CDC5L: variants seen among roughly 807,000 people sequenced by gnomAD.
CDC5L encodes cell division cycle 5-like protein.
Under a neutral mutation model 104.1 loss-of-function variants are expected in CDC5L, and 18 were observed. The observed-to-expected ratio is 0.17, with a 90% CI of 0.12 to 0.26. The LOEUF (loss-of-function observed/expected upper bound fraction) is 0.26. Among genes scored for constraint, CDC5L ranks in the 10% least tolerant of loss-of-function variants. The pLI, the probability that CDC5L is intolerant of heterozygous loss-of-function variation, is 1.00. For synonymous variants in CDC5L, 331 were observed against 322.7 expected (o/e 1.03, Z -0.28); for missense variants, 673 against 956.9 (o/e 0.70, Z 3.91).
At chr6:44,430,029 T>TTTCTCCAACAACTAAAAA in intron 14 of CDC5L, 119 bp downstream of exon 14, 1 of 713,174 alleles carries the variant, frequency 1.4e-6, no homozygotes, top group Non-Finnish European at 2.3e-6. Flanking sequence ...CCTTTTTAGT[T>TTTCTCCAACAACTAAAAA]GTTGGAGAAA....
rs1290539398 is a variant in CDC5L, at chr6:44,403,856, T to C, written c.587T>C (p.Ile196Thr). The part of the protein sequence containing the change: ...QKRRELRAAG[I>T]EIQKKRKRKR... The stretch of plus-strand genomic sequence containing the variant: ...AGAAGAGAACTTCGAGCAGCTGGCA[T>C]AGAAATTCAGAAGAAAAGAAAAAGG... The change falls in exon 6 of 16, where the codon ATA becomes ACA. Residue 196 changes from isoleucine to threonine, a missense_variant. Coordinates refer to ENST00000371477, the MANE Select transcript of CDC5L (RefSeq NM_001253.4). 2.5e-6 allele frequency: 4 copies of C among 1,612,886 alleles called. No individual in the cohort carries two copies. Among genetic ancestry groups the C allele is most frequent in the Non-Finnish European group, 3.4e-6 (4 of 1,179,730 alleles).
intron 11 of CDC5L, among the ~76,000 whole-genome samples, chr6:44,425,373 G>C (rs1441242401): frequency 6.6e-6 from 1 of 152,080 alleles, no homozygotes; most frequent in African/African-American, 2.4e-5. Context: ...TTCTAGTAAG[G>C]AATACTCAAC....
chr6:44,426,490 A>G lies in CDC5L; in HGVS notation c.1659A>G (p.Glu553=). The G allele has an allele frequency of 6.7e-7, 1 of 1,484,596 alleles. No individual in the cohort carries two copies. The highest frequency in any genetic ancestry group is 9.3e-7 in the Non-Finnish European group (1 of 1,070,228). 92.0% of individuals were successfully genotyped at this position (1,484,596 alleles called of 1,614,324 possible). A position where few individuals can be genotyped will look rare whatever the true frequency, so the allele number is the denominator to read the frequency against. ...KDLPRPSEVN[E]TILRPLNVEP... ...TTGTTTTAAAATTTTAGGTAAATGA[A>G]ACTATTCTAAGACCCTTAAATGTAG... Residue 553 remains glutamate, a synonymous_variant, in exon 13 of 16, where the codon GAA becomes GAG. Transcript: ENST00000371477.
intron 8 of CDC5L, among the ~76,000 whole-genome samples, chr6:44,418,899 C>T (rs2153380417): frequency 6.8e-6 from 1 of 146,166 alleles, no homozygotes; most frequent in Non-Finnish European, 1.5e-5. Context: ...TGGGTATTAG[C>T]TCTTTGTCAG....
At chr6:44,407,752 C>T (rs1480717292) in intron 7 of CDC5L, among the ~76,000 whole-genome samples, 1 of 152,208 alleles carries the variant, frequency 6.6e-6, no homozygotes, top group Non-Finnish European at 1.5e-5. Flanking sequence ...ACATTGGCTG[C>T]ATCAACACAA....
rs116172974 is a variant in CDC5L, at chr6:44,436,645, A to G, written c.2091+6735A>G. Reference sequence around the variant, plus strand: ...AATGTACCCCAGAGTATACTGGTATAATAAATCCTCATGTATTCTCACCCA... The same window carrying G: ...AATGTACCCCAGAGTATACTGGTATGATAAATCCTCATGTATTCTCACCCA... On this transcript the variant is annotated intron_variant, in intron 14 of 15. Transcript: ENST00000371477. Among the ~76,000 whole-genome samples, 243 of 152,318 alleles carry G rather than the reference A, an allele frequency of 1.6e-3. 1 individual carries two copies. The highest frequency in any genetic ancestry group is 5.1e-3 in the African/African-American group (213 of 41,564).
chr6:44,419,433 T>C lies in CDC5L; in HGVS notation c.1093-16T>C. 1 of 1,612,944 alleles carries C rather than the reference T, an allele frequency of 6.2e-7. No individual in the cohort carries two copies. Among genetic ancestry groups the C allele is most frequent in the Non-Finnish European group, 8.5e-7 (1 of 1,179,542 alleles). ...CTAAACTTTTAAACTTGCTTCTTTG[T>C]CTTCTTGTTAATCAGGAAGCCCAGA... On this transcript the variant is annotated splice_polypyrimidine_tract_variant and intron_variant, in intron 8 of 15. Transcript: ENST00000371477.
chr6:44,432,185 A>AG (rs1362400154), intron 14 of CDC5L, among the ~76,000 whole-genome samples: 6 of 152,220 alleles, frequency 3.9e-5, no homozygotes, highest in African/African-American at 1.4e-4. Context: ...TTGAAGACAC[A>AG]GTTCTATTGG....
rs1275576923 is a variant in CDC5L, at chr6:44,422,539, TC to T, written c.1242-107del. 1.2e-5 allele frequency: 9 copies of T among 778,640 alleles called. No individual in the cohort carries two copies. The African/African-American group carries it at 1.2e-4, about 11-fold the overall frequency. The allele number at this position is 778,640 out of a possible 1,614,324, so 48.2% of individuals were successfully genotyped here. A position where few individuals can be genotyped will look rare whatever the true frequency, so the allele number is the denominator to read the frequency against. Reference sequence around the variant, plus strand: ...CTGGACAGAATTTTGAAATCTTTATTCTTTTTTTTTTCTATATTTCCTGTGA... The same window carrying T: ...CTGGACAGAATTTTGAAATCTTTATTTTTTTTTTTTCTATATTTCCTGTGA... On this transcript the variant is annotated intron_variant, in intron 9 of 15. Transcript: ENST00000371477.
At position 44,426,110 on chromosome 6, in the gene CDC5L, G is replaced by A. The variant is rs764778238; in HGVS notation, c.1577G>A (p.Arg526Gln). 1.7e-5 allele frequency: 27 copies of A among 1,595,416 alleles called. No homozygotes were observed. Among genetic ancestry groups the A allele is most frequent in the Non-Finnish European group, 2.1e-5 (24 of 1,168,776 alleles). The change falls in exon 12 of 16, where the codon CGA becomes CAA. Residue 526 changes from arginine (R) to glutamine (Q), a missense_variant. By Grantham distance (43) the Arg-to-Gln change is conservative (BLOSUM62 1). Coordinates refer to ENST00000371477, the MANE Select transcript of CDC5L (RefSeq NM_001253.4). ...ATAAAAATCATTTTTTAGGCCATACGAGATGCAGAGCGTGTAAAGGAAATG... is the reference window on the plus strand; with the variant it reads ...ATAAAAATCATTTTTTAGGCCATACAAGATGCAGAGCGTGTAAAGGAAATG... ...ADVDARKQAIRDAERVKEMKR... is the reference protein window; with the variant it reads ...ADVDARKQAIQDAERVKEMKR...
At chr6:44,406,716 A>G (rs1791379322) in intron 7 of CDC5L, among the ~76,000 whole-genome samples, 1 of 152,238 alleles carries the variant, frequency 6.6e-6, no homozygotes, top group East Asian at 1.9e-4. Context: ...AGACAGAAGG[A>G]GTTCCTGCCC....
intron 14 of CDC5L, among the ~76,000 whole-genome samples, chr6:44,440,473 C>T (rs1469289628): frequency 6.6e-6 from 1 of 151,916 alleles, no homozygotes; most frequent in Non-Finnish European, 1.5e-5. Flanking sequence ...GAACTCCTGA[C>T]CTCAGGTGAT....
At chr6:44,413,473 T>G (rs1791751256) in intron 8 of CDC5L, among the ~76,000 whole-genome samples, 1 of 152,228 alleles carries the variant, frequency 6.6e-6, no homozygotes, top group African/African-American at 2.4e-5. Flanking sequence ...GTGGACATGT[T>G]TTTTTCCTTA....
rs551960205 is a variant in CDC5L at position 44,422,903 on chromosome 6, T to TGC, written c.1404+94_1404+95insGC. Reference sequence around the variant, plus strand: ...TTCTCCTGTTAGTGCATATCACATATACCTTAAGAATCTATACACCTGTGG... The same window carrying TGC: ...TTCTCCTGTTAGTGCATATCACATATGCACCTTAAGAATCTATACACCTGTGG... On this transcript the variant is annotated intron_variant, in intron 10 of 15. Transcript: ENST00000371477. 502 of 716,382 alleles carry TGC rather than the reference T, an allele frequency of 7.0e-4. 2 individuals are homozygous for TGC. Among genetic ancestry groups the TGC allele is most frequent in the African/African-American group, 6.1e-3 (335 of 54,652 alleles). 44.4% of individuals were successfully genotyped at this position (716,382 alleles called of 1,614,324 possible). A position where few individuals can be genotyped will look rare whatever the true frequency, so the allele number is the denominator to read the frequency against.
At position 44,403,285 on chromosome 6, in the gene CDC5L, T is replaced by G. The variant is rs1791213255; in HGVS notation, c.540-524T>G. 2.0e-5 allele frequency among the ~76,000 whole-genome samples: 3 copies of G among 152,160 alleles called. No homozygotes were observed. The South Asian group carries it at 6.2e-4, about 32-fold the overall frequency. The stretch of plus-strand genomic sequence containing the variant: ...ATTTTAGTTACCTGCATTTTTTGCT[T>G]TGTGAATTGTTTCCTTTTGCTCTTT... On this transcript the variant is annotated intron_variant, in intron 5 of 15. Coordinates refer to ENST00000371477, the MANE Select transcript of CDC5L (RefSeq NM_001253.4).
chr6:44,408,446 T>G lies in CDC5L; in HGVS notation c.906T>G (p.Ile302Met). 1 of 1,609,170 alleles carries G rather than the reference T, an allele frequency of 6.2e-7. No homozygotes were observed. The highest frequency in any genetic ancestry group is 8.5e-7 in the Non-Finnish European group (1 of 1,176,466). Residue 302 changes from isoleucine (I) to methionine (M), a missense_variant and splice_region_variant, in exon 8 of 16, where the codon ATT (isoleucine) becomes ATG (methionine). Ile to Met is a conservative substitution (Grantham distance 10). Transcript: ENST00000371477. ...RSKLVLPAPQISDAELQEVVK... is the reference protein window; with the variant it reads ...RSKLVLPAPQMSDAELQEVVK... ...CTATGATAATTGTGTCCTTTTAGAT[T>G]TCAGATGCAGAACTCCAGGAAGTTG...
rs928779759 is a variant in CDC5L at position 44,387,731 on chromosome 6, AGG to A, written c.-92_-91del. On this transcript the variant is annotated 5_prime_UTR_variant, in exon 1 of 16. Coordinates refer to ENST00000371477, the MANE Select transcript of CDC5L (RefSeq NM_001253.4). ...CTTCAAAGCAGAAGGTCGCGCTTGG[AGG>A]AAGTGGCGGCTTTGAGTCCGGTGGC... is the stretch of plus-strand genomic sequence containing the variant. 24 of 1,124,288 alleles carry A rather than the reference AGG, an allele frequency of 2.1e-5. No homozygotes were observed. The highest frequency in any genetic ancestry group is 3.0e-5 in the Non-Finnish European group (23 of 761,350). The allele number at this position is 1,124,288 out of a possible 1,614,324, so 69.6% of individuals were successfully genotyped here. A position where few individuals can be genotyped will look rare whatever the true frequency, so the allele number is the denominator to read the frequency against.
chr6:44,438,002 T>A (rs1241194290), intron 14 of CDC5L, among the ~76,000 whole-genome samples: 2 of 152,188 alleles, frequency 1.3e-5, no homozygotes. Flanking sequence ...CAGGCTGGAG[T>A]GCAGTGGCGC....
chr6:44,432,673 G>A (rs1792739488), intron 14 of CDC5L, among the ~76,000 whole-genome samples: 1 of 152,174 alleles, frequency 6.6e-6, no homozygotes, highest in Non-Finnish European at 1.5e-5. Context: ...TGTAGAATGT[G>A]GTAGAGGATG....
Sources: gnomAD v4.1 joint callset for allele counts (sites outside exome capture counted in the v4.1 genomes callset) on GRCh38, gnomAD v4.1.1 for gene constraint, MANE v1.5 for transcripts, NCBI Gene and HGNC (gene_info 2026-07-23, HGNC 2026-07-21) for gene names.